SLC24A5: variants seen among roughly 807,000 people sequenced by gnomAD.
The protein encoded by SLC24A5 is sodium/potassium/calcium exchanger 5.
A neutral mutation model predicts 51.6 loss-of-function variants in SLC24A5; 46 were observed. That is an observed-to-expected ratio of 0.89 (90% CI 0.70 to 1.14). SLC24A5 has a LOEUF of 1.14. Among genes scored for constraint, SLC24A5 ranks in the 50% most tolerant of loss-of-function variants. The pLI is 0.00. For synonymous variants in SLC24A5, 230 were observed against 214.9 expected (o/e 1.07, Z -0.62); for missense variants, 581 against 604.1 (o/e 0.96, Z 0.40).
At chr15:48,126,445 A>G (rs571097089) in intron 2 of SLC24A5, among the ~76,000 whole-genome samples, 54 of 152,316 alleles carry the variant, frequency 3.5e-4, no homozygotes, top group African/African-American at 1.3e-3. Context: ...AGGGGACACA[A>G]ATATATCACC....
chr15:48,138,827 A>C (rs781244866), intron 6 of SLC24A5, 142 bp from the exon 7 acceptor site: 18 of 614,628 alleles, frequency 2.9e-5, no homozygotes, highest in Admixed American at 9.0e-5. Context: ...CAGCAATATC[A>C]GTAATGAGGT....
chr15:48,125,364 C>T (rs745536619), intron 2 of SLC24A5, among the ~76,000 whole-genome samples: 16 of 151,484 alleles, frequency 1.1e-4, no homozygotes, highest in Non-Finnish European at 2.4e-4. Context: ...TTTGGTTTTA[C>T]TGATGAGGAA....
chr15:48,122,574 C>T (rs2038691205), intron 2 of SLC24A5: 1 of 155,956 alleles, frequency 6.4e-6, no homozygotes. Context: ...AGTCCTGTAT[C>T]CTAAGTGACC....
intron 2 of SLC24A5, chr15:48,123,137 A>G (rs909847212): frequency 7.2e-5 from 11 of 151,962 alleles, no homozygotes; most frequent in African/African-American, 2.7e-4. Flanking sequence ...GAGGCACTCA[A>G]CACCTATCTG....
intron 8 of SLC24A5, chr15:48,141,509 G>A (rs545546476): frequency 8.1e-5 from 17 of 209,404 alleles, no homozygotes; most frequent in South Asian, 8.1e-4. Context: ...TCCAGGAGGC[G>A]GAGGTTGCAG....
At chr15:48,139,430 A>T in intron 7 of SLC24A5, 1 of 302,492 alleles carries the variant, frequency 3.3e-6, no homozygotes, top group Non-Finnish European at 6.1e-6. Context: ...AATGAAATCA[A>T]ATTCATAGGA....
At chr15:48,133,492 G>T (rs2038819777) in intron 2 of SLC24A5, among the ~76,000 whole-genome samples, 1 of 152,086 alleles carries the variant, frequency 6.6e-6, no homozygotes, top group African/African-American at 2.4e-5. Context: ...ATGCTTGTAA[G>T]CCTGGTGGAT....
chr15:48,133,945 C>G (rs2038830574), intron 2 of SLC24A5, among the ~76,000 whole-genome samples: 1 of 151,986 alleles, frequency 6.6e-6, no homozygotes, highest in Non-Finnish European at 1.5e-5. Context: ...TCTTAATTTT[C>G]AAAGCCATGC....
At chr15:48,135,178 T>A in intron 5 of SLC24A5, 194 bp downstream of exon 5, 1 of 470,920 alleles carries the variant, frequency 2.1e-6, no homozygotes, top group Non-Finnish European at 3.8e-6. Flanking sequence ...TTCTTCTTAA[T>A]CACTTCACAG....
intron 2 of SLC24A5, among the ~76,000 whole-genome samples, chr15:48,127,716 G>GGGA (rs1340370348): frequency 2.0e-5 from 3 of 152,206 alleles, no homozygotes; most frequent in South Asian, 2.1e-4. Flanking sequence ...CCAGCTCCTC[G>GGGA]GGAGGCTGAG....
rs558722406 is a variant in SLC24A5, at chr15:48,127,779, T to C, written c.301+5743T>C. Among the ~76,000 whole-genome samples, 145 of 152,204 alleles carry C rather than the reference T, an allele frequency of 9.5e-4. 1 individual carries two copies. The highest frequency in any genetic ancestry group is 3.4e-3 in the African/African-American group (143 of 41,550). On this transcript the variant is annotated intron_variant, in intron 2 of 8. Transcript: ENST00000341459. ...CAGAGTTTGCAGTCAGCTGAGATCATGCCACTGCCCTCCAGCCTGGGCAAC... is the reference window on the plus strand; with the variant it reads ...CAGAGTTTGCAGTCAGCTGAGATCACGCCACTGCCCTCCAGCCTGGGCAAC...
At chr15:48,125,147 G>A (rs2038717718) in intron 2 of SLC24A5, among the ~76,000 whole-genome samples, 2 of 151,920 alleles carry the variant, frequency 1.3e-5, no homozygotes, top group South Asian at 2.1e-4. Flanking sequence ...TCAACTAATA[G>A]TTATCAACAT....
intron 2 of SLC24A5, chr15:48,123,322 C>T (rs1029868875): frequency 1.3e-5 from 2 of 151,778 alleles, no homozygotes; most frequent in African/African-American, 4.8e-5. Flanking sequence ...TAATGAAATA[C>T]AAGAAAAATA....
At chr15:48,130,093 G>C (rs2038774597) in intron 2 of SLC24A5, among the ~76,000 whole-genome samples, 1 of 152,036 alleles carries the variant, frequency 6.6e-6, no homozygotes, top group Non-Finnish European at 1.5e-5. Flanking sequence ...CCACGAAGTT[G>C]TACTTTATAT....
chr15:48,132,457 T>A (rs989250869), intron 2 of SLC24A5, among the ~76,000 whole-genome samples: 1 of 152,170 alleles, frequency 6.6e-6, no homozygotes, highest in African/African-American at 2.4e-5. Flanking sequence ...TCTATTTTGT[T>A]CACTGCCTTA....
chr15:48,138,379 A>G (rs2038954436), intron 6 of SLC24A5: 1 of 152,086 alleles, frequency 6.6e-6, no homozygotes, highest in Non-Finnish European at 1.5e-5. Flanking sequence ...TAGATGATAT[A>G]CTACCTCCTA....
At chr15:48,129,569 T>C (rs2038768155) in intron 2 of SLC24A5, among the ~76,000 whole-genome samples, 1 of 152,084 alleles carries the variant, frequency 6.6e-6, no homozygotes, top group Non-Finnish European at 1.5e-5. Flanking sequence ...CCAAATTGCA[T>C]ATAGCCTATG....
rs2039125330 is a variant in SLC24A5 at position 48,142,449 on chromosome 15, C to G, written c.*98C>G. ...AAATCAAATTTTAAAAATCTTGAAC[C>G]TTAGAATCTAAAACTTACAGTAATT... On this transcript the variant is annotated 3_prime_UTR_variant, in exon 9 of 9. Transcript: ENST00000341459. The G allele has an allele frequency of 1.0e-6, 1 of 960,322 alleles. No individual in the cohort carries two copies. Among genetic ancestry groups the G allele is most frequent in the African/African-American group, 1.6e-5 (1 of 60,640 alleles). 59.5% of individuals were successfully genotyped at this position (960,322 alleles called of 1,614,324 possible). A position where few individuals can be genotyped will look rare whatever the true frequency, so the allele number is the denominator to read the frequency against.
At chr15:48,123,210 T>C (rs1407943378) in intron 2 of SLC24A5, 2 of 151,726 alleles carry the variant, frequency 1.3e-5, no homozygotes, top group East Asian at 1.9e-4. Context: ...ACAATTTTTC[T>C]TAAGTAGATA....
Sources: allele counts gnomAD v4.1 joint callset (sites outside exome capture counted in the v4.1 genomes callset), GRCh38; gene constraint gnomAD v4.1.1; transcripts MANE v1.5; gene names NCBI Gene and HGNC (gene_info 2026-07-23, HGNC 2026-07-21).